TCTN3: variants seen among roughly 807,000 people sequenced by gnomAD.
TCTN3 encodes tectonic family member 3.
Under a neutral mutation model 71.3 loss-of-function variants are expected in TCTN3, and 57 were observed. That is an observed-to-expected ratio of 0.80 (90% CI 0.65 to 1.00). The LOEUF is 1.00. TCTN3 is among the 50% of genes least tolerant of loss of function. The pLI, the probability that TCTN3 is intolerant of heterozygous loss-of-function variation, is 0.00. For synonymous variants in TCTN3, 258 were observed against 267.8 expected (o/e 0.96, Z 0.36); for missense variants, 696 against 719.9 (o/e 0.97, Z 0.38).
At chr10:95,671,451 G>A (rs1010822042) in intron 13 of TCTN3, among the ~76,000 whole-genome samples, 1 of 152,168 alleles carries the variant, frequency 6.6e-6, no homozygotes, top group Non-Finnish European at 1.5e-5. Context: ...ATTAGGTTAC[G>A]TTAGGCTTTG....
chr10:95,666,193 G>A (rs1235602533), intron 13 of TCTN3, among the ~76,000 whole-genome samples: 1 of 151,174 alleles, frequency 6.6e-6, no homozygotes, highest in Admixed American at 6.6e-5. Context: ...TGCCCGCCTC[G>A]GCCTCCCAAA....
At position 95,684,518 on chromosome 10, in the gene TCTN3, T is replaced by A. The variant is rs982781639; in HGVS notation, c.1076A>T (p.His359Leu). The change falls in exon 9 of 14, where the codon CAC becomes CTC. Residue 359 changes from histidine (H) to leucine (L), a missense_variant. Coordinates refer to ENST00000371217, the MANE Select transcript of TCTN3 (RefSeq NM_015631.6). ...TVEPGASLQQ[H>L]FILRFRAFQQ... ...CCTAACCCTGAAGCGAAGGATGAAG[T>A]GTTGCTGTAAGGAAGCGCCTGGCTC... 3.1e-6 allele frequency: 5 copies of A among 1,613,942 alleles called. No homozygotes were observed. In the African/African-American group the frequency reaches 6.7e-5, roughly 22 times the overall value.
chr10:95,693,246 G>A (rs2097955352), intron 2 of TCTN3, 107 bp downstream of exon 2: 4 of 1,489,050 alleles, frequency 2.7e-6, no homozygotes, highest in Non-Finnish European at 3.6e-6. Context: ...TGTCCTAGGA[G>A]TGGAAGTACG....
At chr10:95,677,664 C>A (rs1028379500) in intron 13 of TCTN3, among the ~76,000 whole-genome samples, 7 of 151,990 alleles carry the variant, frequency 4.6e-5, no homozygotes, top group Non-Finnish European at 1.0e-4. Context: ...GACCATCTAG[C>A]AGCTTGAGTT....
intron 13 of TCTN3, among the ~76,000 whole-genome samples, chr10:95,674,793 C>T (rs779460157): frequency 4.0e-5 from 6 of 151,642 alleles, no homozygotes; most frequent in Non-Finnish European, 7.4e-5. Context: ...TTGACTCCAG[C>T]CAGAGTGACA....
In TCTN3 at chr10:95,679,583, C is replaced by CT. The variant is rs201828119; in HGVS notation, c.1590+888dup. Among the ~76,000 whole-genome samples the CT allele has an allele frequency of 6.8e-3, 653 of 96,418 alleles. 55 individuals carry two copies. Among genetic ancestry groups the CT allele is most frequent in the African/African-American group, 9.6e-3 (268 of 27,970 alleles). The allele number at this position is 96,418 out of a possible 152,430, so 63.3% of individuals were successfully genotyped here. A position where few individuals can be genotyped will look rare whatever the true frequency, so the allele number is the denominator to read the frequency against. On this transcript the variant is annotated intron_variant, in intron 13 of 13. Transcript: ENST00000371217. ...TAATTTCACTAGGACCTAGTCATTTCTTTTTTTTTTTTTTTTTTTTTTTTT... is the reference window on the plus strand; with the variant it reads ...TAATTTCACTAGGACCTAGTCATTTCTTTTTTTTTTTTTTTTTTTTTTTTTT...
At chr10:95,692,241 G>C (rs901027413) in intron 3 of TCTN3, among the ~76,000 whole-genome samples, 2 of 152,102 alleles carry the variant, frequency 1.3e-5, no homozygotes, top group African/African-American at 4.8e-5. Context: ...AGGCGCGGTG[G>C]CTCACACCTG....
chr10:95,669,976 T>C (rs978529509), intron 13 of TCTN3, among the ~76,000 whole-genome samples: 1 of 139,252 alleles, frequency 7.2e-6, no homozygotes, highest in Non-Finnish European at 1.5e-5. Context: ...GGCAGGAGAA[T>C]GGCGTGAACC....
In TCTN3 at chr10:95,681,298, A is replaced by G. The variant is rs144686296; in HGVS notation, c.1453-689T>C. 1.5e-3 allele frequency among the ~76,000 whole-genome samples: 229 copies of G among 149,086 alleles called. 2 individuals are homozygous for G. In the East Asian group the frequency reaches 0.037, roughly 24 times the overall value. On this transcript the variant is annotated intron_variant, in intron 12 of 13. Coordinates refer to ENST00000371217, the MANE Select transcript of TCTN3 (RefSeq NM_015631.6). ...ACCATGTTGGTCAGTCTGGTCTTAA[A>G]CTCCTGATCTCAAGTGATCTGCCCG...
intron 12 of TCTN3, among the ~76,000 whole-genome samples, chr10:95,681,857 T>G (rs1278785042): frequency 6.6e-6 from 1 of 152,232 alleles, no homozygotes; most frequent in Non-Finnish European, 1.5e-5. Flanking sequence ...CAAATTTTTT[T>G]CTAAGTAAGG....
In TCTN3 at chr10:95,664,120, T is replaced by A. The variant is rs746968875; in HGVS notation, c.1771A>T (p.Ile591Phe). Residue 591 changes from isoleucine (I) to phenylalanine (F), a missense_variant, in exon 14 of 14, where the codon ATC becomes TTC. Transcript: ENST00000371217. Reference protein sequence around the residue: ...VFSQKCSVSPILILCLLLLGV... With the variant: ...VFSQKCSVSPFLILCLLLLGV... The stretch of plus-strand genomic sequence containing the variant: ...AGTAGTAAGAGGCACAGGATAAGGA[T>A]GGGAGAGACTGAGCATTTTTGAGAG... The A allele has an allele frequency of 2.0e-5, 32 of 1,613,998 alleles. No individual in the cohort carries two copies. Among genetic ancestry groups the A allele is most frequent in the Non-Finnish European group, 2.6e-5 (31 of 1,180,034 alleles).
chr10:95,679,205 CA>C (rs1032394107), intron 13 of TCTN3, among the ~76,000 whole-genome samples: 4 of 151,388 alleles, frequency 2.6e-5, no homozygotes, highest in Non-Finnish European at 4.4e-5. Flanking sequence ...AATACCCAGA[CA>C]AAAAAAAGGC....
intron 13 of TCTN3, 126 bp from the exon 14 acceptor site, chr10:95,664,426 C>T (rs978788649): frequency 1.3e-6 from 1 of 780,192 alleles, no homozygotes; most frequent in African/African-American, 1.7e-5. Context: ...ATACCTTTAT[C>T]TCATATTGGT....
intron 13 of TCTN3, among the ~76,000 whole-genome samples, chr10:95,679,189 A>C (rs2097940349): frequency 6.6e-6 from 1 of 152,232 alleles, no homozygotes; most frequent in Admixed American, 6.5e-5. Flanking sequence ...AAAAGCTATC[A>C]GTTAAAATAC....
rs1443696698 is a variant in TCTN3, at chr10:95,693,045, G to A, written c.381-7C>T. On this transcript the variant is annotated splice_polypyrimidine_tract_variant and splice_region_variant and intron_variant, in intron 2 of 13. Transcript: ENST00000371217. ...ACAAACCCAGCTTGAAGACCTGTGA[G>A]GAAAGAGGAGGGAGAAGATATATTT... 1.3e-6 allele frequency: 2 copies of A among 1,592,772 alleles called. No individual in the cohort carries two copies. The highest frequency in any genetic ancestry group is 1.7e-5 in the Admixed American group (1 of 59,256).
At chr10:95,679,103 T>TA (rs1317389348) in intron 13 of TCTN3, among the ~76,000 whole-genome samples, 3 of 152,188 alleles carry the variant, frequency 2.0e-5, no homozygotes, top group African/African-American at 7.2e-5. Flanking sequence ...TTAGGCCAGT[T>TA]AAAGTGAATG....
intron 4 of TCTN3, 82 bp downstream of exon 4, chr10:95,687,510 G>C (rs1211764306): frequency 6.3e-7 from 1 of 1,582,902 alleles, no homozygotes; most frequent in African/African-American, 1.4e-5. Flanking sequence ...CTGCAGGGTA[G>C]TGCTGCAAAG....
rs1245130592 is a variant in TCTN3 at position 95,687,036 on chromosome 10, A to AGG, written c.852+7_852+8insCC. ...TAGTGACAGTGTAGGGAGAGAAAGG[A>AGG]CACCTACCTTTAAGACTGTGAAGTT... On this transcript the variant is annotated splice_region_variant and intron_variant, in intron 6 of 13. Coordinates refer to ENST00000371217, the MANE Select transcript of TCTN3 (RefSeq NM_015631.6). 6.2e-7 allele frequency: 1 copy of AGG among 1,602,882 alleles called. No individual in the cohort carries two copies. Among genetic ancestry groups the AGG allele is most frequent in the South Asian group, 1.1e-5 (1 of 90,806 alleles).
Position 95,683,604 on chromosome 10 carries a change from G to A in TCTN3, c.1121C>T (p.Ser374Phe). The part of the protein sequence containing the change: ...FRAFQQSTAA[S>F]LTSPRSGNPG... Reference sequence around the variant, plus strand: ...ATTCCCACTTCTAGGACTGGTGAGAGAAGCAGCTGTGCTCTGTTGAAAAGC... The same window carrying A: ...ATTCCCACTTCTAGGACTGGTGAGAAAAGCAGCTGTGCTCTGTTGAAAAGC... Residue 374 changes from serine to phenylalanine, a missense_variant, in exon 10 of 14, where the codon TCT becomes TTT. Coordinates refer to ENST00000371217, the MANE Select transcript of TCTN3 (RefSeq NM_015631.6). The A allele has an allele frequency of 6.2e-7, 1 of 1,613,922 alleles. No individual in the cohort carries two copies.
Sources: allele counts gnomAD v4.1 joint callset (sites outside exome capture counted in the v4.1 genomes callset), GRCh38; gene constraint gnomAD v4.1.1; transcripts MANE v1.5; gene names NCBI Gene and HGNC (gene_info 2026-07-23, HGNC 2026-07-21).